The following ATG5 variants were observed in gnomAD, a reference collection of about 807,000 sequenced individuals.
The protein encoded by ATG5 is autophagy related 5.
ATG5 carries 14 observed loss-of-function variants against 36.5 expected under a neutral mutation model. The observed-to-expected ratio is 0.38, with a 90% CI of 0.25 to 0.60. The LOEUF is 0.60. ATG5 is among the 20% of genes least tolerant of loss of function. The pLI is 0.60. For synonymous variants in ATG5, 95 were observed against 101.5 expected (o/e 0.94, Z 0.38); for missense variants, 195 against 326.7 (o/e 0.60, Z 3.11).
At chr6:106,224,287 G>A (rs1582571952) in intron 6 of ATG5, among the ~76,000 whole-genome samples, 1 of 152,084 alleles carries the variant, frequency 6.6e-6, no homozygotes, top group African/African-American at 2.4e-5. Context: ...AGAAAAAGCA[G>A]GTAGAAAAAT....
At chr6:106,219,224 AAAC>A (rs1333456015) in intron 6 of ATG5, among the ~76,000 whole-genome samples, 1 of 152,208 alleles carries the variant, frequency 6.6e-6, no homozygotes, top group Non-Finnish European at 1.5e-5. Context: ...TCAGCTCTGA[AAAC>A]AAGCTGTTTC....
chr6:106,219,173 C>A (rs1198652685), intron 6 of ATG5, among the ~76,000 whole-genome samples: 1 of 152,086 alleles, frequency 6.6e-6, no homozygotes, highest in Admixed American at 6.5e-5. Context: ...AAAATTTAGA[C>A]AAAATGTTAA....
intron 7 of ATG5, among the ~76,000 whole-genome samples, chr6:106,201,574 T>A (rs1776432085): frequency 6.6e-6 from 1 of 152,174 alleles, no homozygotes; most frequent in East Asian, 1.9e-4. Context: ...TCAAATAAAA[T>A]ACTCATCCAT....
intron 5 of ATG5, among the ~76,000 whole-genome samples, chr6:106,273,254 G>A (rs747380876): frequency 6.6e-6 from 1 of 152,066 alleles, no homozygotes; most frequent in Non-Finnish European, 1.5e-5. Flanking sequence ...ACTCAAAATA[G>A]ATACACAGGT....
chr6:106,207,630 C>T (rs749452996), intron 6 of ATG5, among the ~76,000 whole-genome samples: 7 of 152,194 alleles, frequency 4.6e-5, no homozygotes, highest in South Asian at 4.1e-4. Context: ...CCAATATTAA[C>T]ATTAACGTTG....
At chr6:106,232,031 T>C (rs1203221722) in intron 6 of ATG5, among the ~76,000 whole-genome samples, 1 of 152,172 alleles carries the variant, frequency 6.6e-6, no homozygotes, top group Admixed American at 6.5e-5. Context: ...GTCAAGGGAA[T>C]CACTGTAAGG....
intron 7 of ATG5, among the ~76,000 whole-genome samples, chr6:106,191,202 T>A (rs1006978087): frequency 6.6e-5 from 10 of 152,178 alleles, no homozygotes; most frequent in South Asian, 4.1e-4. Context: ...AGTCTTTTTT[T>A]AAAAATGTTC....
intron 4 of ATG5, among the ~76,000 whole-genome samples, chr6:106,286,714 T>C (rs1241242802): frequency 6.6e-6 from 1 of 152,218 alleles, no homozygotes; most frequent in East Asian, 1.9e-4. Context: ...CTTTCTTTGT[T>C]GCCCTGAAGC....
chr6:106,189,779 G>C (rs1775902361), intron 7 of ATG5, among the ~76,000 whole-genome samples: 1 of 151,776 alleles, frequency 6.6e-6, no homozygotes, highest in Non-Finnish European at 1.5e-5. Context: ...TTAATACTTA[G>C]AATGAGAAAT....
Position 106,205,332 on chromosome 6 carries a change from C to T in ATG5, c.574-3243G>A, listed in dbSNP as rs149809037. Among the ~76,000 whole-genome samples, 14 of 152,312 alleles carry T rather than the reference C, an allele frequency of 9.2e-5. No homozygotes were observed. In the East Asian group the frequency reaches 2.7e-3, roughly 29 times the overall value. On this transcript the variant is annotated intron_variant, in intron 6 of 7. Coordinates refer to ENST00000369076, the MANE Select transcript of ATG5 (RefSeq NM_004849.4). ...CTGAAAACAACAAAGTCAAAGGAATCTTTTCAAGAATTTGGAGCTCTCATT... is the reference window on the plus strand; with the variant it reads ...CTGAAAACAACAAAGTCAAAGGAATTTTTTCAAGAATTTGGAGCTCTCATT...
chr6:106,235,030 T>G (rs1777839980), intron 6 of ATG5, among the ~76,000 whole-genome samples: 1 of 152,202 alleles, frequency 6.6e-6, no homozygotes, highest in Non-Finnish European at 1.5e-5. Flanking sequence ...TAATCAATCC[T>G]GAATTGTCAC....
intron 7 of ATG5, among the ~76,000 whole-genome samples, chr6:106,195,490 T>C (rs1234939024): frequency 6.6e-6 from 1 of 152,098 alleles, no homozygotes; most frequent in Non-Finnish European, 1.5e-5. Flanking sequence ...ACATAGATTT[T>C]TAAATGACAA....
intron 6 of ATG5, among the ~76,000 whole-genome samples, chr6:106,228,456 C>T (rs958961409): frequency 1.3e-5 from 2 of 152,134 alleles, no homozygotes; most frequent in Admixed American, 6.5e-5. Context: ...CTGGGTTCCA[C>T]GGTTCTCTTC....
intron 7 of ATG5, chr6:106,201,598 C>G (rs1206468710): frequency 1.3e-5 from 2 of 152,760 alleles, no homozygotes; most frequent in Non-Finnish European, 2.9e-5. Flanking sequence ...TCAGTATTAT[C>G]AACTTTCAAA....
chr6:106,270,469 T>C (rs1042047347), intron 5 of ATG5, among the ~76,000 whole-genome samples: 9 of 152,226 alleles, frequency 5.9e-5, no homozygotes, highest in African/African-American at 1.7e-4. Flanking sequence ...CTCAGCTATA[T>C]GTACAAAAAA....
chr6:106,315,586 T>C (rs533743486), intron 2 of ATG5, among the ~76,000 whole-genome samples: 26 of 152,194 alleles, frequency 1.7e-4, no homozygotes, highest in African/African-American at 5.8e-4. Context: ...ACATATAACA[T>C]ACAATAGCTC....
chr6:106,200,155 C>T (rs1168574164), intron 7 of ATG5, among the ~76,000 whole-genome samples: 1 of 152,138 alleles, frequency 6.6e-6, no homozygotes, highest in Non-Finnish European at 1.5e-5. Flanking sequence ...GCAATATTCT[C>T]AGGCTGAATG....
chr6:106,200,298 C>A (rs1383191887), intron 7 of ATG5, among the ~76,000 whole-genome samples: 1 of 152,146 alleles, frequency 6.6e-6, no homozygotes, highest in African/African-American at 2.4e-5. Flanking sequence ...GCTTCATGAA[C>A]TGTGTGGTAT....
intron 6 of ATG5, among the ~76,000 whole-genome samples, chr6:106,216,232 C>A (rs1030612099): frequency 1.3e-5 from 2 of 150,480 alleles, no homozygotes; most frequent in African/African-American, 5.0e-5. Flanking sequence ...TGCAACCCAG[C>A]AATTCTACTC....
Sources: gnomAD v4.1 joint callset for allele counts (sites outside exome capture counted in the v4.1 genomes callset) on GRCh38, gnomAD v4.1.1 for gene constraint, MANE v1.5 for transcripts, NCBI Gene and HGNC (gene_info 2026-07-23, HGNC 2026-07-21) for gene names.